The following FAM222A variants were observed in gnomAD, a reference collection of about 807,000 sequenced individuals.
The protein encoded by FAM222A is protein FAM222A.
FAM222A carries 7 observed loss-of-function variants against 25.8 expected under a neutral mutation model. That is an observed-to-expected ratio of 0.27 (90% CI 0.15 to 0.51). FAM222A has a LOEUF of 0.51. Among genes scored for constraint, FAM222A ranks in the 20% least tolerant of loss-of-function variants. FAM222A has a pLI of 0.97. For synonymous variants in FAM222A, 294 were observed against 298.8 expected (o/e 0.98, Z 0.17); for missense variants, 573 against 640.5 (o/e 0.89, Z 1.14).
At chr12:109,735,762 T>C (rs946890842) in intron 1 of FAM222A, 1 of 152,258 alleles carries the variant, frequency 6.6e-6, no homozygotes, top group Non-Finnish European at 1.5e-5. Flanking sequence ...AGCCCCATTA[T>C]GACATCGTAG....
chr12:109,723,442 C>T (rs1173177446), intron 1 of FAM222A, among the ~76,000 whole-genome samples: 1 of 152,194 alleles, frequency 6.6e-6, no homozygotes, highest in Non-Finnish European at 1.5e-5. Context: ...TGCCATTGCA[C>T]TTTGCCCACC....
chr12:109,716,067 A>G (rs549848527), intron 1 of FAM222A, among the ~76,000 whole-genome samples: 4 of 152,322 alleles, frequency 2.6e-5, no homozygotes, highest in South Asian at 2.1e-4. Context: ...GAGGATTTCA[A>G]CGAGCATATT....
Position 109,768,403 on chromosome 12 carries a change from C to T in FAM222A, c.474C>T (p.Ala158=). Residue 158 remains alanine, a synonymous_variant, in exon 3 of 3, where the codon GCC becomes GCT. Transcript: ENST00000538780. The part of the protein sequence containing the change: ...YPVPSTLGPL[A]YPKPPEAPAP... ...TGCCCAGCACTCTGGGTCCCTTGGC[C>T]TACCCCAAGCCACCTGAGGCGCCTG... 2 of 1,598,662 alleles carry T rather than the reference C, an allele frequency of 1.3e-6. No individual in the cohort carries two copies. The highest frequency in any genetic ancestry group is 3.3e-4 in the Middle Eastern group (2 of 6,048).
intron 1 of FAM222A, chr12:109,734,456 G>GCT: frequency 6.6e-6 from 1 of 152,158 alleles, no homozygotes; most frequent in South Asian, 2.1e-4. Context: ...GGATTTCCAA[G>GCT]CCTCTGGGGT....
chr12:109,751,822 G>T (rs1027159886), intron 2 of FAM222A, among the ~76,000 whole-genome samples: 7 of 152,150 alleles, frequency 4.6e-5, no homozygotes, highest in African/African-American at 1.7e-4. Context: ...AAATCTGTAG[G>T]TGTGGCCCTT....
chr12:109,745,713 C>T (rs1186113281), intron 2 of FAM222A, among the ~76,000 whole-genome samples: 1 of 152,146 alleles, frequency 6.6e-6, no homozygotes, highest in Non-Finnish European at 1.5e-5. Context: ...GCTATGTTGC[C>T]CAGGCTAGTC....
intron 2 of FAM222A, among the ~76,000 whole-genome samples, chr12:109,752,936 C>T (rs1467926629): frequency 6.6e-6 from 1 of 152,132 alleles, no homozygotes; most frequent in African/African-American, 2.4e-5. Flanking sequence ...GGCAGGCTGT[C>T]GTGGCCTGTC....
intron 1 of FAM222A, among the ~76,000 whole-genome samples, chr12:109,731,486 G>A (rs1887946696): frequency 6.6e-6 from 1 of 152,200 alleles, no homozygotes; most frequent in African/African-American, 2.4e-5. Flanking sequence ...AATGGGAGGC[G>A]TGGATGTATT....
At position 109,768,558 on chromosome 12, in the gene FAM222A, G is replaced by T; in HGVS notation, c.629G>T (p.Cys210Phe). ...CTCCTGTACCAGCTCAACCAGCAGT[G>T]CCAGGCCCCGGGCGCCGCACCCCCT... Reference protein sequence around the residue: ...HSLLYQLNQQCQAPGAAPPAC... With the variant: ...HSLLYQLNQQFQAPGAAPPAC... Residue 210 changes from cysteine to phenylalanine, a missense_variant, in exon 3 of 3, where the codon TGC becomes TTC. This residue lies in a region of FAM222A where 412 missense variants were observed against 407.0 expected (regional missense o/e 1.01). Coordinates refer to ENST00000538780, the MANE Select transcript of FAM222A (RefSeq NM_032829.3). 1 of 1,602,368 alleles carries T rather than the reference G, an allele frequency of 6.2e-7. No homozygotes were observed.
At chr12:109,727,895 T>G (rs542741141) in intron 1 of FAM222A, among the ~76,000 whole-genome samples, 19 of 152,254 alleles carry the variant, frequency 1.2e-4, no homozygotes, top group African/African-American at 3.6e-4. Flanking sequence ...GGACATTCTG[T>G]CCCTCAATCG....
intron 1 of FAM222A, among the ~76,000 whole-genome samples, chr12:109,742,611 C>CTTTTT (rs201720366): frequency 2.1e-5 from 3 of 142,240 alleles, no homozygotes; most frequent in South Asian, 2.2e-4. Context: ...CTCTCTCGCT[C>CTTTTT]TTTTTTTTTT....
intron 1 of FAM222A, among the ~76,000 whole-genome samples, chr12:109,732,977 A>G (rs1887983223): frequency 6.6e-6 from 1 of 152,204 alleles, no homozygotes; most frequent in South Asian, 2.1e-4. Context: ...AGTAATGACA[A>G]TGAAAGAACT....
intron 2 of FAM222A, among the ~76,000 whole-genome samples, chr12:109,756,392 C>CTT (rs35171962): frequency 0.13 from 16,479 of 123,936 alleles, 1,233 homozygotes; most frequent in East Asian, 0.27. Context: ...AATATGAATG[C>CTT]TTTTTTTTTT....
chr12:109,729,580 AAC>A (rs1395782851), intron 1 of FAM222A, among the ~76,000 whole-genome samples: 18 of 152,272 alleles, frequency 1.2e-4, no homozygotes, highest in African/African-American at 4.1e-4. Flanking sequence ...AGGGAAAAAA[AAC>A]ACAAAATGAA....
At chr12:109,731,197 C>T (rs1362540672) in intron 1 of FAM222A, among the ~76,000 whole-genome samples, 1 of 152,044 alleles carries the variant, frequency 6.6e-6, no homozygotes, top group African/African-American at 2.4e-5. Flanking sequence ...AGGGGTAGTG[C>T]CTTGCGGGTC....
chr12:109,744,339 C>G, intron 2 of FAM222A, 111 bp downstream of exon 2: 2 of 1,450,400 alleles, frequency 1.4e-6, no homozygotes, highest in East Asian at 2.5e-5. Context: ...TCTATGCTCT[C>G]TTAGGCCCCC....
At position 109,768,020 on chromosome 12, in the gene FAM222A, G is replaced by A. The variant is rs1565849512; in HGVS notation, c.91G>A (p.Val31Met). The A allele has an allele frequency of 1.2e-6, 2 of 1,612,268 alleles. No homozygotes were observed. Among genetic ancestry groups the A allele is most frequent in the African/African-American group, 1.3e-5 (1 of 75,042 alleles). Residue 31 changes from valine to methionine, a missense_variant, in exon 3 of 3, where the codon GTG becomes ATG. Around this residue, in one of 3 missense-constraint regions of FAM222A, gnomAD observed 112 missense variants for 154.6 expected, o/e 0.72. Coordinates refer to ENST00000538780, the MANE Select transcript of FAM222A (RefSeq NM_032829.3). ...KSLELRKCEA[V>M]ASAMHSSRYP... is the part of the protein sequence containing the mutation. ...CTGCTTTCCTCCCACAGGCGAGGCG[G>A]TGGCCAGCGCCATGCATTCCTCCCG...
chr12:109,723,642 G>A (rs1887790294), intron 1 of FAM222A, among the ~76,000 whole-genome samples: 1 of 152,232 alleles, frequency 6.6e-6, no homozygotes, highest in African/African-American at 2.4e-5. Context: ...CCAGCTGCCT[G>A]GCTGTGCTCC....
rs375611538 is a variant in FAM222A, at chr12:109,744,111, G to A, written c.-36G>A. ...ATCTTCCTCCTGCAGGGACCCAGTC[G>A]CAGAGCGCACCCCACTGGGGACCCC... On this transcript the variant is annotated 5_prime_UTR_variant, in exon 2 of 3. Coordinates refer to ENST00000538780, the MANE Select transcript of FAM222A (RefSeq NM_032829.3). 53 of 1,604,768 alleles carry A rather than the reference G, an allele frequency of 3.3e-5. No individual in the cohort carries two copies. The highest frequency in any genetic ancestry group is 4.2e-5 in the Non-Finnish European group (49 of 1,176,598).
Sources: gnomAD v4.1 joint callset for allele counts (sites outside exome capture counted in the v4.1 genomes callset) on GRCh38, gnomAD v4.1.1 for gene constraint, gnomAD v4.1.1 regional missense constraint, MANE v1.5 for transcripts, NCBI Gene and HGNC (gene_info 2026-07-23, HGNC 2026-07-21) for gene names.